The following EIF4G3 variants were observed in gnomAD, a reference collection of about 807,000 sequenced individuals.
EIF4G3 encodes eukaryotic translation initiation factor 4 gamma 3.
In EIF4G3, 34 loss-of-function variants were observed where a neutral mutation model predicts 186.4. The ratio of observed to expected loss-of-function variants is 0.18; its 90% CI spans 0.14 to 0.24. EIF4G3 has a LOEUF of 0.24. Ranked by LOEUF, EIF4G3 falls within the 10% of genes least tolerant of loss-of-function variation. EIF4G3 has a pLI of 1.00. For synonymous variants in EIF4G3, 673 were observed against 679.5 expected (o/e 0.99, Z 0.15); for missense variants, 1,536 against 1,948.5 (o/e 0.79, Z 3.99).
At chr1:20,949,223 G>A (rs917897220) in intron 13 of EIF4G3, among the ~76,000 whole-genome samples, 1 of 152,082 alleles carries the variant, frequency 6.6e-6, no homozygotes, top group African/African-American at 2.4e-5. Context: ...AACTAGGCAG[G>A]AAAGAAAGAC....
intron 20 of EIF4G3, among the ~76,000 whole-genome samples, chr1:20,877,070 C>A (rs190983609): frequency 1.3e-5 from 2 of 152,290 alleles, no homozygotes; most frequent in East Asian, 3.9e-4. Flanking sequence ...ATATTCCAAT[C>A]CAATTTGTAC....
chr1:20,876,076 C>A (rs1348347277), intron 20 of EIF4G3, among the ~76,000 whole-genome samples: 1 of 151,398 alleles, frequency 6.6e-6, no homozygotes, highest in African/African-American at 2.4e-5. Flanking sequence ...CAAAAAAATA[C>A]AAAAATTAGC....
At chr1:20,809,827 T>C (rs1490782261) in intron 36 of EIF4G3, among the ~76,000 whole-genome samples, 2 of 152,260 alleles carry the variant, frequency 1.3e-5, no homozygotes, top group African/African-American at 4.8e-5. Flanking sequence ...TTGCCACATG[T>C]GGCTCATGAT....
At chr1:21,157,064 T>G (rs950183443) in intron 2 of EIF4G3, among the ~76,000 whole-genome samples, 1 of 152,062 alleles carries the variant, frequency 6.6e-6, no homozygotes, top group Non-Finnish European at 1.5e-5. Context: ...TCTCAAAAAA[T>G]AATAATAAAT....
At chr1:21,134,634 A>C (rs565528013) in intron 2 of EIF4G3, among the ~76,000 whole-genome samples, 13 of 152,152 alleles carry the variant, frequency 8.5e-5, no homozygotes, top group Non-Finnish European at 1.6e-4. Flanking sequence ...GCACCACTGC[A>C]CTCCAGCCTG....
At chr1:21,067,108 A>G (rs1367760155) in intron 3 of EIF4G3, among the ~76,000 whole-genome samples, 2 of 150,932 alleles carry the variant, frequency 1.3e-5, no homozygotes, top group African/African-American at 2.4e-5. Flanking sequence ...AGGTAAATAC[A>G]TATTAAGTAA....
chr1:21,167,189 A>C (rs550959524), intron 2 of EIF4G3, among the ~76,000 whole-genome samples: 2 of 152,232 alleles, frequency 1.3e-5, no homozygotes, highest in South Asian at 2.1e-4. Context: ...TTCCATTCTC[A>C]ATGTAAAAAT....
At chr1:20,878,560 T>C (rs2081479115) in intron 20 of EIF4G3, among the ~76,000 whole-genome samples, 1 of 152,120 alleles carries the variant, frequency 6.6e-6, no homozygotes, top group Non-Finnish European at 1.5e-5. Context: ...TCAAAAATAT[T>C]GGTAGAATGA....
Position 20,942,089 on chromosome 1 carries a change from G to A in EIF4G3, c.1065C>T (p.Asp355=), listed in dbSNP as rs1224387253. Residue 355 remains aspartate (D), a synonymous_variant, in exon 14 of 37, where the codon GAC becomes GAT. Transcript: ENST00000602326. ...CTCTTGGGGATGAGAGTTCACATCT[G>A]TCATCTATAGCAGTGGTGAATATTG... ...SQPIFTTAID[D]RCELSSPRED... is the part of the protein sequence containing the mutation. 6.2e-7 allele frequency: 1 copy of A among 1,614,198 alleles called. No individual in the cohort carries two copies. The highest frequency in any genetic ancestry group is 8.5e-7 in the Non-Finnish European group (1 of 1,180,016).
intron 2 of EIF4G3, chr1:21,174,569 T>C (rs1220086483): frequency 1.3e-5 from 2 of 152,046 alleles, no homozygotes; most frequent in Admixed American, 6.6e-5. Flanking sequence ...GCAATCAAGG[T>C]AAAAAATGAA....
intron 2 of EIF4G3, among the ~76,000 whole-genome samples, chr1:21,094,301 A>G (rs946739261): frequency 1.3e-5 from 2 of 152,054 alleles, no homozygotes; most frequent in Non-Finnish European, 2.9e-5. Flanking sequence ...TCATGCTGCT[A>G]TAAAGACACA....
intron 25 of EIF4G3, among the ~76,000 whole-genome samples, chr1:20,856,360 G>A (rs1244397451): frequency 1.3e-5 from 2 of 152,122 alleles, no homozygotes; most frequent in African/African-American, 4.8e-5. Context: ...ATTGTCTTCA[G>A]TATTTTGCTA....
chr1:20,905,042 A>G (rs1350619144), intron 14 of EIF4G3, 71 bp from the exon 15 acceptor site: 1 of 1,109,146 alleles, frequency 9.0e-7, no homozygotes, highest in Non-Finnish European at 1.3e-6. Context: ...TCTAAGTGAT[A>G]CCTATATTCA....
chr1:20,983,834 C>T (rs191727350), intron 7 of EIF4G3, among the ~76,000 whole-genome samples: 7 of 152,108 alleles, frequency 4.6e-5, no homozygotes, highest in Admixed American at 2.6e-4. Flanking sequence ...TAGGGTGTTA[C>T]GGGGTGGTAA....
chr1:21,088,937 C>A (rs2096085369), intron 3 of EIF4G3, among the ~76,000 whole-genome samples: 1 of 152,088 alleles, frequency 6.6e-6, no homozygotes, highest in African/African-American at 2.4e-5. Context: ...AGACAGGTCT[C>A]TCTATCTTAA....
rs1327497492 is a variant in EIF4G3 at position 21,176,746 on chromosome 1, C to T, written c.-480G>A. ...CCTTTCACGGCAATATCCTCATGGG[C>T]CGGCGGCGGGGGATCTTTATCCCCC... On this transcript the variant is annotated 5_prime_UTR_variant, in exon 1 of 37. Coordinates refer to ENST00000602326, the MANE Select transcript of EIF4G3 (RefSeq NM_001391906.1). The T allele has an allele frequency of 2.9e-6, 2 of 697,920 alleles. No individual in the cohort carries two copies. The highest frequency in any genetic ancestry group is 5.2e-6 in the Non-Finnish European group (2 of 383,002). 43.2% of individuals were successfully genotyped at this position (697,920 alleles called of 1,614,324 possible).
intron 2 of EIF4G3, among the ~76,000 whole-genome samples, chr1:21,149,341 C>T (rs1203311125): frequency 2.6e-5 from 4 of 151,088 alleles, no homozygotes; most frequent in Non-Finnish European, 5.9e-5. Context: ...AACTGTTATT[C>T]TTTTTTTTTC....
At chr1:21,074,239 C>T (rs1012774501) in intron 3 of EIF4G3, among the ~76,000 whole-genome samples, 1 of 152,136 alleles carries the variant, frequency 6.6e-6, no homozygotes, top group Non-Finnish European at 1.5e-5. Context: ...CTGGCCTCTA[C>T]CCACTAAATG....
At chr1:20,846,083 C>T (rs369590684) in intron 29 of EIF4G3, among the ~76,000 whole-genome samples, 50 of 152,230 alleles carry the variant, frequency 3.3e-4, no homozygotes, top group African/African-American at 1.2e-3. Flanking sequence ...TGGGAGTTCA[C>T]TGGAGATTTG....
Sources: gnomAD v4.1 joint callset for allele counts (sites outside exome capture counted in the v4.1 genomes callset) on GRCh38, gnomAD v4.1.1 for gene constraint, MANE v1.5 for transcripts, NCBI Gene and HGNC (gene_info 2026-07-23, HGNC 2026-07-21) for gene names.